The following GDA variants were observed in gnomAD, a reference collection of about 807,000 sequenced individuals.
GDA encodes guanine deaminase, also known as cytoplasmic PSD-95 interactor.
In GDA, 18 loss-of-function variants were observed where a neutral mutation model predicts 59.6. That is an observed-to-expected ratio of 0.30 (90% CI 0.21 to 0.45). The LOEUF (loss-of-function observed/expected upper bound fraction) is 0.45, where lower values mean the gene tolerates loss of function less well. Ranked by LOEUF, GDA falls within the 20% of genes least tolerant of loss-of-function variation. The probability of loss-of-function intolerance (pLI) is 1.00; values close to 1 mark genes in which losing one functional copy is unlikely to be tolerated. For synonymous variants in GDA, 201 were observed against 201.1 expected (o/e 1.00, Z 0.00); for missense variants, 427 against 552.3 (o/e 0.77, Z 2.27).
chr9:72,245,318 A>G (rs1840032868), intron 12 of GDA, 40 bp downstream of exon 12: 6 of 1,501,732 alleles, frequency 4.0e-6, no homozygotes, highest in Non-Finnish European at 4.6e-6. Context: ...TTTATTTCAT[A>G]AAGTCGTCAT....
chr9:72,137,857 G>T (rs1157930698), intron 1 of GDA, among the ~76,000 whole-genome samples: 3 of 152,198 alleles, frequency 2.0e-5, no homozygotes, highest in East Asian at 3.9e-4. Flanking sequence ...AAATAAAGAG[G>T]AGAGAAACAC....
intron 1 of GDA, among the ~76,000 whole-genome samples, chr9:72,138,103 A>C (rs1826309819): frequency 1.3e-5 from 2 of 151,982 alleles, no homozygotes; most frequent in South Asian, 4.2e-4. Flanking sequence ...CATACCCCCG[A>C]GTCTGCTTTT....
intron 3 of GDA, among the ~76,000 whole-genome samples, chr9:72,205,110 CAA>C (rs71357549): frequency 7.4e-4 from 64 of 86,146 alleles, no homozygotes; most frequent in African/African-American, 2.6e-3. Flanking sequence ...GACTCTGTCT[CAA>C]AAAAAAAAAA....
At chr9:72,189,166 CTTTTTTTTTTTTTTT>C (rs71493640) in intron 1 of GDA, among the ~76,000 whole-genome samples, 34 of 54,936 alleles carry the variant, frequency 6.2e-4, no homozygotes, top group African/African-American at 1.4e-3. Flanking sequence ...AGACTCTAGA[CTTTTTTTTTTTTTTT>C]TTTTTTTTTT....
At chr9:72,116,764 G>GTTAT (rs543253105) in intron 1 of GDA, among the ~76,000 whole-genome samples, 323 of 151,856 alleles carry the variant, frequency 2.1e-3, no homozygotes, top group African/African-American at 4.3e-3. Context: ...TATTCATATC[G>GTTAT]TTATTTATTT....
chr9:72,140,043 G>A (rs1172733618), intron 1 of GDA, among the ~76,000 whole-genome samples: 1 of 151,932 alleles, frequency 6.6e-6, no homozygotes, highest in Non-Finnish European at 1.5e-5. Context: ...AGGGAACCCC[G>A]CGTTCCCTAC....
At chr9:72,160,574 A>G (rs1356074630) in intron 1 of GDA, among the ~76,000 whole-genome samples, 1 of 152,152 alleles carries the variant, frequency 6.6e-6, no homozygotes, top group Non-Finnish European at 1.5e-5. Context: ...ATTCCTTTTT[A>G]TGGCTGAATA....
At chr9:72,203,602 A>G (rs1834288472) in intron 3 of GDA, among the ~76,000 whole-genome samples, 1 of 152,178 alleles carries the variant, frequency 6.6e-6, no homozygotes, top group Non-Finnish European at 1.5e-5. Context: ...TAAAGCGCAA[A>G]TGCTGCCTTG....
chr9:72,188,723 G>C (rs1224725603), intron 1 of GDA, among the ~76,000 whole-genome samples: 1 of 151,990 alleles, frequency 6.6e-6, no homozygotes, highest in South Asian at 2.1e-4. Flanking sequence ...CTGGGGTAAT[G>C]CCTAGTGGAG....
intron 1 of GDA, among the ~76,000 whole-genome samples, chr9:72,139,116 G>T (rs1826351056): frequency 6.6e-6 from 1 of 152,120 alleles, no homozygotes; most frequent in Non-Finnish European, 1.5e-5. Flanking sequence ...TTACCTTAAG[G>T]TTAGCAAGTA....
chr9:72,213,824 A>T, intron 4 of GDA, 62 bp from the exon 5 acceptor site: 1 of 1,025,486 alleles, frequency 9.8e-7, no homozygotes, highest in East Asian at 2.4e-5. Context: ...AAAAAAGAAA[A>T]AGAAAAAGTA....
At chr9:72,119,150 A>G (rs958515248) in intron 1 of GDA, among the ~76,000 whole-genome samples, 2 of 152,220 alleles carry the variant, frequency 1.3e-5, no homozygotes, top group East Asian at 1.9e-4. Context: ...AATATCAACT[A>G]GGAAAAAAAA....
chr9:72,216,875 CTG>C (rs943519924), intron 5 of GDA, among the ~76,000 whole-genome samples: 4 of 152,100 alleles, frequency 2.6e-5, no homozygotes, highest in African/African-American at 9.7e-5. Flanking sequence ...CAGGGTTTCA[CTG>C]TGTTAGCCAG....
At chr9:72,181,404 A>G (rs983550797) in intron 1 of GDA, among the ~76,000 whole-genome samples, 3 of 151,946 alleles carry the variant, frequency 2.0e-5, no homozygotes, top group African/African-American at 4.8e-5. Flanking sequence ...TGGCTCACTG[A>G]AACCTCCACC....
At chr9:72,164,200 A>C (rs1197891070) in intron 1 of GDA, among the ~76,000 whole-genome samples, 1 of 152,248 alleles carries the variant, frequency 6.6e-6, no homozygotes, top group Non-Finnish European at 1.5e-5. Flanking sequence ...AGAAGACAAC[A>C]GGAACTAGAC....
intron 10 of GDA, among the ~76,000 whole-genome samples, chr9:72,238,435 T>C (rs150464319): frequency 1.3e-5 from 2 of 152,358 alleles, no homozygotes; most frequent in East Asian, 3.9e-4. Flanking sequence ...TGTCTGTTTA[T>C]ATGATTCTTT....
Position 72,249,322 on chromosome 9 carries a change from G to C in GDA, c.*980G>C. ...CCCAAACAATATGTTGTAGTTTCTGGAAATTCCATACTCAGATATCAGTCT... is the reference window on the plus strand; with the variant it reads ...CCCAAACAATATGTTGTAGTTTCTGCAAATTCCATACTCAGATATCAGTCT... On this transcript the variant is annotated 3_prime_UTR_variant, in exon 14 of 14. Transcript: ENST00000358399. 1 of 982,682 alleles carries C rather than the reference G, an allele frequency of 1.0e-6. No individual in the cohort carries two copies. The highest frequency in any genetic ancestry group is 1.2e-6 in the Non-Finnish European group (1 of 827,504). 60.9% of individuals were successfully genotyped at this position (982,682 alleles called of 1,614,324 possible).
At chr9:72,138,286 C>T (rs886943450) in intron 1 of GDA, among the ~76,000 whole-genome samples, 3 of 152,090 alleles carry the variant, frequency 2.0e-5, no homozygotes, top group African/African-American at 7.2e-5. Flanking sequence ...CTCTTTCTGG[C>T]GGCTTGTAGT....
intron 1 of GDA, among the ~76,000 whole-genome samples, chr9:72,171,157 A>G (rs1386207728): frequency 6.6e-6 from 1 of 152,116 alleles, no homozygotes; most frequent in African/African-American, 2.4e-5. Flanking sequence ...GTTCATATAT[A>G]CTTTCTCCGG....
Sources: gnomAD v4.1 joint callset for allele counts (sites outside exome capture counted in the v4.1 genomes callset) on GRCh38, gnomAD v4.1.1 for gene constraint, MANE v1.5 for transcripts, NCBI Gene and HGNC (gene_info 2026-07-23, HGNC 2026-07-21) for gene names.